The following DCC variants were observed in gnomAD, a reference collection of about 807,000 sequenced individuals.
The protein encoded by DCC is netrin receptor DCC.
In DCC, 58 loss-of-function variants were observed where a neutral mutation model predicts 172.5. That is an observed-to-expected ratio of 0.34 (90% CI 0.27 to 0.42). The LOEUF (loss-of-function observed/expected upper bound fraction) is 0.42. DCC is among the 10% of genes least tolerant of loss of function. The pLI is 1.00. For missense variants in DCC, 1,740 were observed against 1,791.0 expected, an observed-to-expected ratio of 0.97 and a Z score of 0.51; for synonymous variants, 709 against 644.5, an observed-to-expected ratio of 1.10 and a Z score of -1.52.
chr18:53,063,543 A>G, intron 6 of DCC, 84 bp downstream of exon 6: 5 of 1,215,716 alleles, frequency 4.1e-6, no homozygotes, highest in Non-Finnish European at 5.9e-6. Context: ...TTGAAAAAAA[A>G]AAAGGTTCCT....
Position 53,402,820 on chromosome 18 carries a change from T to C in DCC, c.2862T>C (p.Ile954=), listed in dbSNP as rs2145037231. The part of the protein sequence containing the change: ...PTSAPKDLTV[I]TREGKPRAVI... ...CTGCTCCCAAGGACTTGACAGTCAT[T>C]ACTAGGGAAGGGAAGCCTCGTGCCG... Residue 954 remains isoleucine (I), a synonymous_variant, in exon 19 of 29, where the codon ATT becomes ATC. Transcript: ENST00000442544. The C allele has an allele frequency of 6.2e-7, 1 of 1,614,096 alleles. No homozygotes were observed. Among genetic ancestry groups the C allele is most frequent in the Non-Finnish European group, 8.5e-7 (1 of 1,179,982 alleles).
At chr18:52,762,822 T>TA (rs917188090) in intron 2 of DCC, among the ~76,000 whole-genome samples, 3 of 151,988 alleles carry the variant, frequency 2.0e-5, no homozygotes, top group South Asian at 2.1e-4. Flanking sequence ...GATCACAACT[T>TA]AAAAAAAAGA....
At chr18:52,342,252 G>T (rs1983673756) in intron 1 of DCC, among the ~76,000 whole-genome samples, 1 of 149,072 alleles carries the variant, frequency 6.7e-6, no homozygotes, top group African/African-American at 2.5e-5. Context: ...GAGACAGAGA[G>T]AGCAGGCAGG....
intron 2 of DCC, among the ~76,000 whole-genome samples, chr18:52,888,660 G>A (rs2039603654): frequency 6.6e-6 from 1 of 151,824 alleles, no homozygotes; most frequent in Admixed American, 6.6e-5. Flanking sequence ...TCTTAATTAT[G>A]TCAGTTATTT....
intron 1 of DCC, among the ~76,000 whole-genome samples, chr18:52,529,256 C>T (rs997766556): frequency 3.3e-5 from 5 of 152,068 alleles, no homozygotes; most frequent in African/African-American, 7.2e-5. Flanking sequence ...CCTATTGCTC[C>T]GACATTTTAA....
At chr18:53,199,633 A>T (rs2055504797) in intron 9 of DCC, among the ~76,000 whole-genome samples, 1 of 151,788 alleles carries the variant, frequency 6.6e-6, no homozygotes, top group South Asian at 2.1e-4. Flanking sequence ...TGACCTATAA[A>T]TCAAAGGGAA....
intron 5 of DCC, among the ~76,000 whole-genome samples, chr18:52,989,395 T>C (rs2041346280): frequency 6.6e-6 from 1 of 152,064 alleles, no homozygotes; most frequent in Middle Eastern, 3.4e-3. Flanking sequence ...TGGTAGCAGG[T>C]GCCTTTAATC....
intron 12 of DCC, among the ~76,000 whole-genome samples, chr18:53,233,673 G>A (rs1161176125): frequency 1.3e-5 from 2 of 152,158 alleles, no homozygotes; most frequent in Non-Finnish European, 2.9e-5. Context: ...TTACCTTTGT[G>A]AATAATTCAC....
intron 1 of DCC, among the ~76,000 whole-genome samples, chr18:52,420,896 G>T (rs549392120): frequency 6.6e-6 from 1 of 152,226 alleles, no homozygotes; most frequent in South Asian, 2.1e-4. Context: ...CAGAATAAAT[G>T]TGATGGTAAT....
At chr18:52,438,534 G>T (rs1342261257) in intron 1 of DCC, among the ~76,000 whole-genome samples, 2 of 152,084 alleles carry the variant, frequency 1.3e-5, no homozygotes, top group Non-Finnish European at 2.9e-5. Context: ...ATCACTAATT[G>T]TTCCAAACAA....
chr18:53,468,346 A>ATTTATTTATTTATTTAT (rs1397814766), intron 25 of DCC, among the ~76,000 whole-genome samples: 25 of 70,644 alleles, frequency 3.5e-4, no homozygotes, highest in Admixed American at 2.7e-3. Flanking sequence ...GTTTATTTTT[A>ATTTATTTATTTATTTAT]TTTATTTATT....
chr18:53,044,460 C>T (rs376580945), intron 5 of DCC, among the ~76,000 whole-genome samples: 8 of 151,504 alleles, frequency 5.3e-5, no homozygotes, highest in East Asian at 3.9e-4. Context: ...TGTGTGATGC[C>T]GTAGAAATAA....
intron 7 of DCC, among the ~76,000 whole-genome samples, chr18:53,112,668 G>T (rs758648514): frequency 3.8e-4 from 58 of 151,512 alleles, no homozygotes; most frequent in Non-Finnish European, 7.8e-4. Context: ...GACTCTTAAA[G>T]GGCCTCCTTA....
At chr18:52,786,122 C>T (rs906657952) in intron 2 of DCC, among the ~76,000 whole-genome samples, 27 of 152,014 alleles carry the variant, frequency 1.8e-4, no homozygotes, top group Admixed American at 1.5e-3. Context: ...TAAAATCTTA[C>T]TTGTCAAGAT....
chr18:52,806,411 G>T (rs1163857444), intron 2 of DCC, among the ~76,000 whole-genome samples: 2 of 152,130 alleles, frequency 1.3e-5, no homozygotes, highest in Non-Finnish European at 2.9e-5. Context: ...TATTACATTG[G>T]TAGTGTTACC....
chr18:52,762,298 C>T (rs1285238450), intron 2 of DCC, among the ~76,000 whole-genome samples: 1 of 151,286 alleles, frequency 6.6e-6, no homozygotes, highest in Non-Finnish European at 1.5e-5. Context: ...CATAGTGAGA[C>T]CACTGTCTCT....
chr18:52,816,888 T>C (rs2038310542), intron 2 of DCC: 1 of 152,214 alleles, frequency 6.6e-6, no homozygotes, highest in Admixed American at 6.5e-5. Flanking sequence ...TCTATTATCT[T>C]AGAACTTTTG....
intron 2 of DCC, among the ~76,000 whole-genome samples, chr18:52,779,270 C>T (rs1442002721): frequency 2.0e-5 from 3 of 152,206 alleles, no homozygotes; most frequent in East Asian, 1.9e-4. Context: ...CTGTCATCTA[C>T]GTTAGGTATT....
At chr18:53,434,948 T>C (rs1181532031) in intron 21 of DCC, among the ~76,000 whole-genome samples, 196 bp from the exon 22 acceptor site, 1 of 152,186 alleles carries the variant, frequency 6.6e-6, no homozygotes, top group Non-Finnish European at 1.5e-5. Flanking sequence ...TAAGAGAGTT[T>C]ACTTTTGCGA....
Sources: allele counts gnomAD v4.1 joint callset (sites outside exome capture counted in the v4.1 genomes callset), GRCh38; gene constraint gnomAD v4.1.1; transcripts MANE v1.5; gene names NCBI Gene and HGNC (gene_info 2026-07-23, HGNC 2026-07-21).